The following AGBL1 variants were observed in gnomAD, a reference collection of about 807,000 sequenced individuals.
AGBL1 encodes the protein AGBL carboxypeptidase 1.
AGBL1 carries 130 observed loss-of-function variants against 118.9 expected under a neutral mutation model. That is an observed-to-expected ratio of 1.09 (90% CI 0.95 to 1.26). AGBL1 has a LOEUF of 1.26. Among genes scored for constraint, AGBL1 ranks in the 50% most tolerant of loss-of-function variants. The pLI is 0.00. For synonymous variants in AGBL1, 555 were observed against 478.9 expected (o/e 1.16, Z -2.08); for missense variants, 1,584 against 1,298.1 (o/e 1.22, Z -3.38).
intron 22 of AGBL1, among the ~76,000 whole-genome samples, chr15:86,694,453 G>A (rs1477848307): frequency 6.6e-6 from 1 of 152,076 alleles, no homozygotes; most frequent in Non-Finnish European, 1.5e-5. Flanking sequence ...TTTGTATCCT[G>A]AAACTTTGCT....
At chr15:86,082,137 G>T (rs922650387) in intron 1 of AGBL1, among the ~76,000 whole-genome samples, 1 of 152,136 alleles carries the variant, frequency 6.6e-6, no homozygotes, top group Non-Finnish European at 1.5e-5. Flanking sequence ...CTGTCTCTAC[G>T]GTAGAAGTCA....
At chr15:86,657,760 CG>C (rs1850368283) in intron 21 of AGBL1, among the ~76,000 whole-genome samples, 1 of 151,946 alleles carries the variant, frequency 6.6e-6, no homozygotes, top group Non-Finnish European at 1.5e-5. Flanking sequence ...ACACATCTCT[CG>C]TAAGTCTCCT....
At position 86,632,409 on chromosome 15, in the gene AGBL1, C is replaced by A. The variant is rs989105535; in HGVS notation, c.2995-41864C>A. 6.6e-5 allele frequency among the ~76,000 whole-genome samples: 10 copies of A among 152,154 alleles called. No homozygotes were observed. The East Asian group carries it at 1.9e-3, about 29-fold the overall frequency. On this transcript the variant is annotated intron_variant, in intron 21 of 22. Coordinates refer to ENST00000614907, the MANE Select transcript of AGBL1 (RefSeq NM_001386094.1). Reference sequence around the variant, plus strand: ...GGTGAGCCGAGATTTCACCATTGCACTCCAGCCTGGGCAACAAGAGCGAAA... The same window carrying A: ...GGTGAGCCGAGATTTCACCATTGCAATCCAGCCTGGGCAACAAGAGCGAAA...
At chr15:86,648,711 A>G (rs1343286501) in intron 21 of AGBL1, among the ~76,000 whole-genome samples, 1 of 152,228 alleles carries the variant, frequency 6.6e-6, no homozygotes, top group Non-Finnish European at 1.5e-5. Flanking sequence ...GAAGACAATA[A>G]GAAACGAGGT....
chr15:86,231,787 G>A (rs2078459315), intron 6 of AGBL1, among the ~76,000 whole-genome samples: 1 of 152,090 alleles, frequency 6.6e-6, no homozygotes, highest in African/African-American at 2.4e-5. Flanking sequence ...GTGCTGAACC[G>A]AGGAAATTAA....
chr15:86,735,162 A>G (rs1382626305), intron 22 of AGBL1, among the ~76,000 whole-genome samples: 1 of 151,612 alleles, frequency 6.6e-6, no homozygotes, highest in Non-Finnish European at 1.5e-5. Flanking sequence ...GCTCACTACA[A>G]CCTCCGCCTC....
chr15:86,837,488 A>G (rs1669576259), intron 22 of AGBL1, among the ~76,000 whole-genome samples: 1 of 152,198 alleles, frequency 6.6e-6, no homozygotes, highest in Non-Finnish European at 1.5e-5. Context: ...ACATATTTTT[A>G]TGGCTTCTCT....
chr15:86,409,229 C>T (rs907984555), intron 18 of AGBL1, among the ~76,000 whole-genome samples: 1 of 152,122 alleles, frequency 6.6e-6, no homozygotes, highest in East Asian at 1.9e-4. Flanking sequence ...AAACCTCTGT[C>T]CATAAACCAC....
intron 22 of AGBL1, among the ~76,000 whole-genome samples, chr15:86,677,252 T>G (rs187130097): frequency 1.3e-5 from 2 of 152,176 alleles, no homozygotes; most frequent in African/African-American, 4.8e-5. Context: ...AGAGCAGAGA[T>G]AGCGGATGTT....
chr15:86,746,614 G>A (rs2077760393), intron 22 of AGBL1, among the ~76,000 whole-genome samples: 1 of 152,006 alleles, frequency 6.6e-6, no homozygotes, highest in African/African-American at 2.4e-5. Flanking sequence ...CAGTGCTTAG[G>A]AGAAGGTCCA....
intron 17 of AGBL1, among the ~76,000 whole-genome samples, chr15:86,373,845 A>C (rs1343850892): frequency 1.3e-5 from 2 of 152,236 alleles, no homozygotes; most frequent in Non-Finnish European, 2.9e-5. Context: ...ACTTAAAATG[A>C]AACCTATAAA....
At chr15:86,107,111 C>T (rs1423998475) in intron 1 of AGBL1, among the ~76,000 whole-genome samples, 2 of 152,130 alleles carry the variant, frequency 1.3e-5, no homozygotes, top group African/African-American at 4.8e-5. Flanking sequence ...CAAAATCATC[C>T]AGCAAGCTGA....
chr15:86,922,437 T>C (rs969434685), intron 23 of AGBL1, among the ~76,000 whole-genome samples: 8 of 152,300 alleles, frequency 5.3e-5, no homozygotes, highest in African/African-American at 1.9e-4. Flanking sequence ...ATTACAGGCA[T>C]GTGCCACCAT....
intron 22 of AGBL1, among the ~76,000 whole-genome samples, chr15:86,720,994 G>A (rs1052248069): frequency 6.6e-6 from 1 of 152,268 alleles, no homozygotes; most frequent in African/African-American, 2.4e-5. Context: ...CTCTGAAATT[G>A]AGGCAATAAT....
chr15:86,679,385 G>T (rs1447380218), intron 22 of AGBL1, among the ~76,000 whole-genome samples: 1 of 151,860 alleles, frequency 6.6e-6, no homozygotes. Flanking sequence ...GCTTCTAAGT[G>T]CTTGTTTTAG....
At chr15:86,994,442 G>C (rs1766328466) in intron 24 of AGBL1, among the ~76,000 whole-genome samples, 1 of 151,932 alleles carries the variant, frequency 6.6e-6, no homozygotes, top group African/African-American at 2.4e-5. Context: ...AGTTAGAAAA[G>C]AGAGAGAGAG....
At chr15:86,788,934 C>T (rs2078453432) in intron 22 of AGBL1, among the ~76,000 whole-genome samples, 1 of 152,136 alleles carries the variant, frequency 6.6e-6, no homozygotes, top group Non-Finnish European at 1.5e-5. Context: ...AAGCACAAAT[C>T]ATAGAAAAAG....
intron 24 of AGBL1, among the ~76,000 whole-genome samples, chr15:87,003,123 A>G (rs1159822611): frequency 1.3e-5 from 2 of 152,134 alleles, no homozygotes; most frequent in East Asian, 1.9e-4. Flanking sequence ...TTTGTCATAA[A>G]TAGCTCTTAT....
At chr15:86,458,432 T>C (rs762138613) in intron 18 of AGBL1, among the ~76,000 whole-genome samples, 1 of 152,212 alleles carries the variant, frequency 6.6e-6, no homozygotes, top group Non-Finnish European at 1.5e-5. Context: ...ACAGATTTAA[T>C]GTAAACTGAT....
Sources: allele counts gnomAD v4.1 joint callset (sites outside exome capture counted in the v4.1 genomes callset), GRCh38; gene constraint gnomAD v4.1.1; transcripts MANE v1.5; gene names NCBI Gene and HGNC (gene_info 2026-07-23, HGNC 2026-07-21).